The following SEM1 variants were observed in gnomAD, a reference collection of about 807,000 sequenced individuals.
SEM1 encodes the protein SEM1 26S proteasome subunit.
In SEM1, 3 loss-of-function variants were observed where a neutral mutation model predicts 12.7. That is an observed-to-expected ratio of 0.24 (90% CI 0.11 to 0.61). SEM1 has a LOEUF of 0.61. SEM1 is among the 20% of genes least tolerant of loss of function. The pLI, the probability that SEM1 is intolerant of heterozygous loss-of-function variation, is 0.88. For missense variants in SEM1, 59 were observed against 81.3 expected (o/e 0.73, Z 1.06); for synonymous variants, 30 against 27.8 (o/e 1.08, Z -0.25).
In SEM1 at chr7:96,643,811, G is replaced by T. The variant is rs1201431331; in HGVS notation, c.171-21168C>A. 2.0e-5 allele frequency among the ~76,000 whole-genome samples: 3 copies of T among 152,046 alleles called. No homozygotes were observed. The East Asian group carries it at 5.8e-4, about 29-fold the overall frequency. ...CACACACCAGGGCCTGTCAGGGGGT[G>T]GGGGGTTAGTGGAGGGATAGCATTA... On this transcript the variant is annotated intron_variant, in intron 2 of 2. Transcript: ENST00000417009.
At chr7:96,702,736 A>G (rs1324342865) in intron 1 of SEM1, among the ~76,000 whole-genome samples, 1 of 152,236 alleles carries the variant, frequency 6.6e-6, no homozygotes, top group East Asian at 1.9e-4. Flanking sequence ...AACAATGGAA[A>G]GGCCTAACAA....
At chr7:96,548,329 T>G (rs558489690) in intron 2 of SEM1, among the ~76,000 whole-genome samples, 1 of 152,244 alleles carries the variant, frequency 6.6e-6, no homozygotes, top group South Asian at 2.1e-4. Flanking sequence ...GAGCTTTCCC[T>G]TACAAGCATA....
intron 2 of SEM1, among the ~76,000 whole-genome samples, chr7:96,630,636 G>A (rs1370731666): frequency 6.6e-6 from 1 of 152,186 alleles, no homozygotes; most frequent in Non-Finnish European, 1.5e-5. Flanking sequence ...CTGTAGCCAA[G>A]GTGGCACCTA....
At chr7:96,707,550 T>C (rs1031273965) in intron 1 of SEM1, among the ~76,000 whole-genome samples, 9 of 152,360 alleles carry the variant, frequency 5.9e-5, no homozygotes, top group East Asian at 1.9e-4. Flanking sequence ...AAACATTCTG[T>C]AAGGAGACCC....
In SEM1 at chr7:96,493,975, T is replaced by C. The variant is rs536039580; in HGVS notation, c.12+2309A>G. On this transcript the variant is annotated intron_variant, in intron 1 of 3. Transcript: ENST00000356686. Reference sequence around the variant, plus strand: ...AGTGTAGGATCTTTGTCCTGTACTTTTTGTGAGAATCCTAAGATTCTGGAC... The same window carrying C: ...AGTGTAGGATCTTTGTCCTGTACTTCTTGTGAGAATCCTAAGATTCTGGAC... Among the ~76,000 whole-genome samples, 4 of 152,320 alleles carry C rather than the reference T, an allele frequency of 2.6e-5. No homozygotes were observed. In the East Asian group the frequency reaches 7.7e-4, roughly 29 times the overall value.
At chr7:96,519,609 A>T (rs1374586937) in intron 2 of SEM1, among the ~76,000 whole-genome samples, 1 of 152,088 alleles carries the variant, frequency 6.6e-6, no homozygotes, top group African/African-American at 2.4e-5. Flanking sequence ...AAGCCATGTT[A>T]ATATCTGGTG....
At chr7:96,528,401 A>G (rs1222721181) in intron 2 of SEM1, among the ~76,000 whole-genome samples, 1 of 152,138 alleles carries the variant, frequency 6.6e-6, no homozygotes, top group East Asian at 1.9e-4. Context: ...CATGTTGCCC[A>G]GGCTGGCCTT....
intron 2 of SEM1, among the ~76,000 whole-genome samples, chr7:96,599,012 G>A (rs894149402): frequency 2.6e-5 from 4 of 151,916 alleles, no homozygotes; most frequent in African/African-American, 9.7e-5. Flanking sequence ...AACAGAAAGG[G>A]GGAAAAACAG....
exon 4 of SEM1, chr7:96,482,754 T>G (rs1452339443): frequency 6.6e-6 from 1 of 152,180 alleles, no homozygotes; most frequent in Non-Finnish European, 1.5e-5. Flanking sequence ...AAATTAAACA[T>G]AAGAAGCATT....
At chr7:96,685,269 T>C (rs756352861), downstream of SEM1, among the ~76,000 whole-genome samples, 5 of 152,090 alleles carry the variant, frequency 3.3e-5, 1 homozygote, top group Non-Finnish European at 7.4e-5. Context: ...CAAGGCCTAA[T>C]GAAAAATGCT....
intron 1 of SEM1, among the ~76,000 whole-genome samples, chr7:96,494,726 G>A (rs112024897): frequency 5.0e-4 from 70 of 140,106 alleles, no homozygotes; most frequent in South Asian, 2.8e-3. Flanking sequence ...GAAGGGGGTG[G>A]AGAGAGAGCA....
intron 2 of SEM1, among the ~76,000 whole-genome samples, chr7:96,538,183 C>A (rs1418811435): frequency 1.3e-5 from 2 of 151,630 alleles, no homozygotes; most frequent in African/African-American, 4.8e-5. Flanking sequence ...TTACATTACC[C>A]AAATATTCTT....
At chr7:96,535,876 T>G (rs895708918) in intron 2 of SEM1, among the ~76,000 whole-genome samples, 2 of 151,976 alleles carry the variant, frequency 1.3e-5, no homozygotes, top group African/African-American at 4.8e-5. Context: ...GGCATTTAGG[T>G]TGATTCCATT....
intron 2 of SEM1, among the ~76,000 whole-genome samples, chr7:96,546,148 A>G (rs1413917804): frequency 6.6e-6 from 1 of 152,120 alleles, no homozygotes; most frequent in Non-Finnish European, 1.5e-5. Context: ...GAAGCGATCA[A>G]TGAGGCAAAT....
intron 3 of SEM1, chr7:96,503,524 G>T (rs957782125): frequency 6.6e-6 from 1 of 152,006 alleles, no homozygotes; most frequent in Non-Finnish European, 1.5e-5. Flanking sequence ...CGTGAATTGC[G>T]TAAGTCACTG....
At chr7:96,665,414 T>G (rs1415036227) in intron 2 of SEM1, among the ~76,000 whole-genome samples, 2 of 152,220 alleles carry the variant, frequency 1.3e-5, no homozygotes, top group East Asian at 3.8e-4. Context: ...TCCTGTTCAT[T>G]GTTGAACTCA....
chr7:96,555,739 T>C (rs1805465942), intron 2 of SEM1, among the ~76,000 whole-genome samples: 1 of 143,158 alleles, frequency 7.0e-6, no homozygotes, highest in Admixed American at 7.1e-5. Context: ...AATTCCTGGG[T>C]ATCCTTGTTG....
At chr7:96,671,466 G>T (rs910387911), downstream of SEM1, among the ~76,000 whole-genome samples, 2 of 151,986 alleles carry the variant, frequency 1.3e-5, no homozygotes, top group Non-Finnish European at 2.9e-5. Context: ...CACCCATGAG[G>T]ACTTTAGAAT....
chr7:96,496,596 A>G (rs1033272955), upstream of SEM1, among the ~76,000 whole-genome samples: 2 of 152,120 alleles, frequency 1.3e-5, no homozygotes, highest in African/African-American at 2.4e-5. Context: ...CATATTTAGG[A>G]TAAGAAAAAA....
Sources: allele counts gnomAD v4.1 joint callset (sites outside exome capture counted in the v4.1 genomes callset), GRCh38; gene constraint gnomAD v4.1.1; transcripts MANE v1.5; gene names NCBI Gene and HGNC (gene_info 2026-07-23, HGNC 2026-07-21).